CCNI: variants seen among roughly 807,000 people sequenced by gnomAD.
CCNI encodes cyclin-I.
A neutral mutation model predicts 34.1 loss-of-function variants in CCNI; 14 were observed. That is an observed-to-expected ratio of 0.41 (90% confidence interval 0.27 to 0.64). The LOEUF (loss-of-function observed/expected upper bound fraction) is 0.64. Ranked by LOEUF, CCNI falls within the 30% of genes least tolerant of loss-of-function variation. CCNI has a pLI of 0.31. For missense variants in CCNI, 385 were observed against 440.5 expected, an observed-to-expected ratio of 0.87 and a Z score of 1.13; for synonymous variants, 154 against 158.4, an observed-to-expected ratio of 0.97 and a Z score of 0.21.
At chr4:77,053,289 G>T (rs1727991320) in intron 6 of CCNI, among the ~76,000 whole-genome samples, 1 of 152,136 alleles carries the variant, frequency 6.6e-6, no homozygotes, top group Non-Finnish European at 1.5e-5. Flanking sequence ...ATGAAAAAAA[G>T]CATTGGTTCT....
In CCNI at chr4:77,075,388, G is replaced by C. The variant is rs4252766; in HGVS notation, c.-44+84C>G. The C allele has an allele frequency of 3.4e-3, 1,573 of 460,448 alleles. 25 individuals carry two copies. Among genetic ancestry groups the C allele is most frequent in the African/African-American group, 0.03 (1,424 of 46,786 alleles). 28.5% of individuals were successfully genotyped at this position (460,448 alleles called of 1,614,324 possible). ...GGCCAAGGGCGCTGCCACGGGGGCGGCGCGGGGGGAGCAGCGGGGCCCCAG... is the reference window on the plus strand; with the variant it reads ...GGCCAAGGGCGCTGCCACGGGGGCGCCGCGGGGGGAGCAGCGGGGCCCCAG... On this transcript the variant is annotated intron_variant, in intron 1 of 6. Transcript: ENST00000237654.
intron 3 of CCNI, 99 bp from the exon 4 acceptor site, chr4:77,056,422 G>A: frequency 2.6e-6 from 2 of 781,918 alleles, no homozygotes; most frequent in Non-Finnish European, 4.4e-6. Flanking sequence ...AGATGAGACA[G>A]GTATACACAA....
rs530394423 is a variant in CCNI, at chr4:77,052,059, T to TCC, written c.690+3089_690+3090dup. Among the ~76,000 whole-genome samples, 151 of 152,098 alleles carry TCC rather than the reference T, an allele frequency of 9.9e-4. 1 individual carries two copies. The highest frequency in any genetic ancestry group is 4.1e-3 in the Admixed American group (62 of 15,270). Reference sequence around the variant, plus strand: ...ATGCTGAGGTTTGGAGTACAAGTGATCCTGTCAACCAGGTAGTGAGCACAG... The same window carrying TCC: ...ATGCTGAGGTTTGGAGTACAAGTGATCCCCTGTCAACCAGGTAGTGAGCACAG... On this transcript the variant is annotated intron_variant, in intron 6 of 6. Coordinates refer to ENST00000237654, the MANE Select transcript of CCNI (RefSeq NM_006835.3).
chr4:77,061,911 C>T (rs1302062516), intron 2 of CCNI, among the ~76,000 whole-genome samples: 1 of 152,128 alleles, frequency 6.6e-6, no homozygotes, highest in Non-Finnish European at 1.5e-5. Flanking sequence ...CCTTGTGATC[C>T]ACCCGCCTCG....
intron 2 of CCNI, among the ~76,000 whole-genome samples, chr4:77,064,000 G>C (rs1728823763): frequency 6.6e-6 from 1 of 152,124 alleles, no homozygotes; most frequent in Non-Finnish European, 1.5e-5. Context: ...CCAGCACTTT[G>C]GGTTGCTGGG....
chr4:77,053,442 A>C (rs1728002365), intron 6 of CCNI, among the ~76,000 whole-genome samples: 1 of 150,072 alleles, frequency 6.7e-6, no homozygotes, highest in Non-Finnish European at 1.5e-5. Context: ...CCTTCAGCTA[A>C]GAAGAAAAAA....
Position 77,075,504 on chromosome 4 carries a change from C to G in CCNI, c.-76G>C. 10 of 988,344 alleles carry G rather than the reference C, an allele frequency of 1.0e-5. No individual in the cohort carries two copies. The highest frequency in any genetic ancestry group is 1.2e-5 in the Non-Finnish European group (10 of 830,558). 61.2% of individuals were successfully genotyped at this position (988,344 alleles called of 1,614,324 possible). A position where few individuals can be genotyped will look rare whatever the true frequency, so the allele number is the denominator to read the frequency against. On this transcript the variant is annotated 5_prime_UTR_variant, in exon 1 of 7. Transcript: ENST00000237654. ...TCCTCTTCCTCCTCCTCCTCCTCCC[C>G]GGCAGAGCTGTAGGCCTCACAGTGG... is the stretch of plus-strand genomic sequence containing the variant.
chr4:77,063,092 A>C (rs1728729633), intron 2 of CCNI, among the ~76,000 whole-genome samples: 3 of 152,134 alleles, frequency 2.0e-5, no homozygotes, highest in South Asian at 4.1e-4. Flanking sequence ...TGGCAGAAAC[A>C]CATAGAAGGT....
intron 2 of CCNI, among the ~76,000 whole-genome samples, chr4:77,063,344 TAA>T (rs745761323): frequency 0.16 from 12,609 of 76,678 alleles, 636 homozygotes; most frequent in South Asian, 0.26. Flanking sequence ...GAAAGGGAGG[TAA>T]AAAAAAAAAA....
At chr4:77,049,531 A>G (rs958034799) in intron 6 of CCNI, among the ~76,000 whole-genome samples, 2 of 152,176 alleles carry the variant, frequency 1.3e-5, no homozygotes, top group Admixed American at 1.3e-4. Context: ...ACAAAACATT[A>G]GCAGGACATG....
At position 77,058,618 on chromosome 4, in the gene CCNI, C is replaced by G. The variant is rs145779519; in HGVS notation, c.132G>C (p.Gln44His). 1 of 1,613,094 alleles carries G rather than the reference C, an allele frequency of 6.2e-7. No homozygotes were observed. The highest frequency in any genetic ancestry group is 1.3e-5 in the African/African-American group (1 of 74,890). Residue 44 changes from glutamine (Q) to histidine (H), a missense_variant, in exon 3 of 7, where the codon CAG becomes CAC. Gln to His is a conservative substitution (Grantham distance 24). This residue lies in a region of CCNI where 135 missense variants were observed against 191.8 expected (regional missense o/e 0.70). Coordinates refer to ENST00000237654, the MANE Select transcript of CCNI (RefSeq NM_006835.3). ...MPSNQNVSPS[Q>H]RDEVIQWLAK... ...CCAGCCATTGAATTACTTCATCTCT[C>G]TGGGATGGAGAAACATTCTATAAGG...
intron 1 of CCNI, among the ~76,000 whole-genome samples, chr4:77,072,107 TCAA>T (rs1419899950): frequency 6.6e-6 from 1 of 152,056 alleles, no homozygotes; most frequent in East Asian, 1.9e-4. Context: ...GCAAAATTTC[TCAA>T]CAAAATACTA....
At chr4:77,054,616 T>C (rs1728082948) in intron 6 of CCNI, among the ~76,000 whole-genome samples, 1 of 152,228 alleles carries the variant, frequency 6.6e-6, no homozygotes, top group Non-Finnish European at 1.5e-5. Flanking sequence ...ATACATTTTA[T>C]AATAATCTGT....
chr4:77,070,017 C>CTTT lies in CCNI; in HGVS notation c.-43-3615_-43-3613dup, dbSNP rs569456948. ...CATAAATACAGTCTAAAATCATGGG[C>CTTT]TTTTTTTTTTTTTTTTTGAGACAAG... On this transcript the variant is annotated intron_variant, in intron 1 of 6. Coordinates refer to ENST00000237654, the MANE Select transcript of CCNI (RefSeq NM_006835.3). 3.1e-3 allele frequency among the ~76,000 whole-genome samples: 405 copies of CTTT among 131,572 alleles called. 3 individuals are homozygous for CTTT. The highest frequency in any genetic ancestry group is 0.011 in the African/African-American group (379 of 34,890). The allele number at this position is 131,572 out of a possible 152,430, so 86.3% of individuals were successfully genotyped here.
intron 1 of CCNI, among the ~76,000 whole-genome samples, chr4:77,066,727 T>C (rs1296438227): frequency 1.3e-5 from 2 of 152,206 alleles, no homozygotes; most frequent in African/African-American, 2.4e-5. Flanking sequence ...TTCTTAGAAG[T>C]AGTTATTCCA....
chr4:77,048,766 C>T (rs1185450414), intron 6 of CCNI, 104 bp from the exon 7 acceptor site: 19 of 734,648 alleles, frequency 2.6e-5, no homozygotes, highest in South Asian at 1.3e-4. Context: ...TTTCCGTCCC[C>T]GCTGAGTCTT....
At position 77,075,512 on chromosome 4, in the gene CCNI, C is replaced by G. The variant is rs981566581; in HGVS notation, c.-84G>C. On this transcript the variant is annotated 5_prime_UTR_variant, in exon 1 of 7. Transcript: ENST00000237654. ...CTCCTCCTCCTCCTCCCCGGCAGAGCTGTAGGCCTCACAGTGGTGACGCGG... is the reference window on the plus strand; with the variant it reads ...CTCCTCCTCCTCCTCCCCGGCAGAGGTGTAGGCCTCACAGTGGTGACGCGG... 1.1e-5 allele frequency: 11 copies of G among 988,092 alleles called. No homozygotes were observed. The highest frequency in any genetic ancestry group is 6.2e-5 in the Admixed American group (1 of 16,258). The allele number at this position is 988,092 out of a possible 1,614,324, so 61.2% of individuals were successfully genotyped here. A position where few individuals can be genotyped will look rare whatever the true frequency, so the allele number is the denominator to read the frequency against.
chr4:77,065,953 T>C (rs568548569), intron 2 of CCNI, among the ~76,000 whole-genome samples: 18 of 152,194 alleles, frequency 1.2e-4, no homozygotes, highest in African/African-American at 4.3e-4. Context: ...TACAAAAAAT[T>C]AGCCAGGCAT....
At chr4:77,059,148 T>TA (rs750783939) in intron 2 of CCNI, among the ~76,000 whole-genome samples, 11 of 152,164 alleles carry the variant, frequency 7.2e-5, no homozygotes, top group Non-Finnish European at 1.3e-4. Flanking sequence ...ATTATACACT[T>TA]AGAGATGATG....
Sources: allele counts gnomAD v4.1 joint callset (sites outside exome capture counted in the v4.1 genomes callset), GRCh38; gene constraint gnomAD v4.1.1; regional missense constraint gnomAD v4.1.1; transcripts MANE v1.5; gene names NCBI Gene and HGNC (gene_info 2026-07-23, HGNC 2026-07-21).